MAP3K1: variants seen among roughly 807,000 people sequenced by gnomAD.
MAP3K1 encodes mitogen-activated protein kinase kinase kinase 1.
In MAP3K1, 36 loss-of-function variants were observed where a neutral mutation model predicts 144.2. That is an observed-to-expected ratio of 0.25 (90% confidence interval 0.19 to 0.33). The LOEUF (loss-of-function observed/expected upper bound fraction) is 0.33, where lower values mean the gene tolerates loss of function less well. Among genes scored for constraint, MAP3K1 ranks in the 10% least tolerant of loss-of-function variants. The probability of loss-of-function intolerance (pLI) is 1.00; values close to 1 mark genes in which losing one functional copy is unlikely to be tolerated. For synonymous variants in MAP3K1, 718 were observed against 688.7 expected, an observed-to-expected ratio of 1.04 and a Z score of -0.67; for missense variants, 1,650 against 1,881.9, an observed-to-expected ratio of 0.88 and a Z score of 2.28.
intron 1 of MAP3K1, among the ~76,000 whole-genome samples, chr5:56,821,501 A>AG (rs1746152010): frequency 6.6e-6 from 1 of 152,234 alleles, no homozygotes; most frequent in South Asian, 2.1e-4. Context: ...GAGTGAGAAC[A>AG]GGGTCAGTAC....
At chr5:56,879,147 G>T (rs769738291) in intron 11 of MAP3K1, 46 bp downstream of exon 11, 1 of 1,611,980 alleles carries the variant, frequency 6.2e-7, no homozygotes, top group Non-Finnish European at 8.5e-7. Flanking sequence ...TGTCTTAAAA[G>T]TGCCTCGCAG....
rs1748680296 is a variant in MAP3K1 at position 56,895,599 on chromosome 5, C to T, written c.*1919C>T. 1 of 232,304 alleles carries T rather than the reference C, an allele frequency of 4.3e-6. No homozygotes were observed. The highest frequency in any genetic ancestry group is 8.5e-6 in the Non-Finnish European group (1 of 117,536). 14.4% of individuals were successfully genotyped at this position (232,304 alleles called of 1,614,324 possible). On this transcript the variant is annotated 3_prime_UTR_variant, in exon 20 of 20. Coordinates refer to ENST00000399503, the MANE Select transcript of MAP3K1 (RefSeq NM_005921.2). ...CCACCACATTTCAAACTCAAACTAT[C>T]TGTAGATTTCAAAATCCATTGTGTT...
intron 13 of MAP3K1, 97 bp from the exon 14 acceptor site, chr5:56,881,473 T>G: frequency 9.1e-7 from 1 of 1,095,068 alleles, no homozygotes; most frequent in Non-Finnish European, 1.4e-6. Flanking sequence ...AAATGGTTTT[T>G]GAAGTATACA....
At chr5:56,858,888 A>AAT (rs576623457) in intron 2 of MAP3K1, among the ~76,000 whole-genome samples, 384 of 152,070 alleles carry the variant, frequency 2.5e-3, no homozygotes, top group African/African-American at 8.7e-3. Flanking sequence ...TTAAAATAGG[A>AAT]GGAGAGTGAG....
At chr5:56,869,613 A>G (rs948317594) in intron 6 of MAP3K1, among the ~76,000 whole-genome samples, 2 of 152,228 alleles carry the variant, frequency 1.3e-5, no homozygotes, top group Admixed American at 6.5e-5. Flanking sequence ...GTACTTGGAA[A>G]AAAGATGGGC....
At chr5:56,865,798 TATC>T (rs1747655129) in intron 5 of MAP3K1, 28 bp from the exon 6 acceptor site, 1 of 1,609,910 alleles carries the variant, frequency 6.2e-7, no homozygotes, top group Non-Finnish European at 8.5e-7. Context: ...ATGGCACAAA[TATC>T]ATTGTTACTG....
At chr5:56,856,505 G>C (rs1213645701) in intron 1 of MAP3K1, 95 bp from the exon 2 acceptor site, 3 of 1,056,184 alleles carry the variant, frequency 2.8e-6, no homozygotes, top group Non-Finnish European at 2.9e-6. Context: ...CATGTCCGTT[G>C]GAAGTATAAA....
intron 18 of MAP3K1, 28 bp downstream of exon 18, chr5:56,887,548 A>G: frequency 6.2e-7 from 1 of 1,613,702 alleles, no homozygotes; most frequent in Non-Finnish European, 8.5e-7. Flanking sequence ...GTGTGATGAC[A>G]GAAAATATTT....
At position 56,883,559 on chromosome 5, in the gene MAP3K1, A is replaced by G. The variant is rs1233796359; in HGVS notation, c.3699A>G (p.Ala1233=). ...AGACTCTACCAGGACATACCAAAGC[A>G]AAACAACCGTATAGAGAAGACACTG... ...TPETLPGHTK[A]KQPYREDTEW... is the part of the protein sequence containing the mutation. The change falls in exon 15 of 20, where the codon GCA becomes GCG. Residue 1233 remains alanine, a synonymous_variant. Coordinates refer to ENST00000399503, the MANE Select transcript of MAP3K1 (RefSeq NM_005921.2). The G allele has an allele frequency of 1.2e-6, 2 of 1,614,038 alleles. No individual in the cohort carries two copies. Among genetic ancestry groups the G allele is most frequent in the African/African-American group, 2.7e-5 (2 of 74,940 alleles).
intron 17 of MAP3K1, among the ~76,000 whole-genome samples, 188 bp from the exon 18 acceptor site, chr5:56,887,190 G>A (rs1011675472): frequency 2.6e-5 from 4 of 152,218 alleles, no homozygotes; most frequent in African/African-American, 7.2e-5. Context: ...TTTAGCGTAC[G>A]CTAGAGAGAG....
chr5:56,818,463 T>C (rs530567607), intron 1 of MAP3K1, among the ~76,000 whole-genome samples: 1 of 152,266 alleles, frequency 6.6e-6, no homozygotes, highest in East Asian at 1.9e-4. Flanking sequence ...TTTTAGAATT[T>C]CCTTCTGATC....
At chr5:56,836,521 G>C (rs529984693) in intron 1 of MAP3K1, among the ~76,000 whole-genome samples, 1 of 152,170 alleles carries the variant, frequency 6.6e-6, no homozygotes, top group Non-Finnish European at 1.5e-5. Flanking sequence ...GGCTTTCTTG[G>C]ATGGGGAAAG....
chr5:56,890,161 C>T (rs1158936705), intron 19 of MAP3K1, among the ~76,000 whole-genome samples: 1 of 152,132 alleles, frequency 6.6e-6, no homozygotes, highest in Non-Finnish European at 1.5e-5. Flanking sequence ...TCCTTGAGGT[C>T]CATTCATGTC....
intron 1 of MAP3K1, among the ~76,000 whole-genome samples, chr5:56,842,887 T>C (rs1579733763): frequency 6.6e-6 from 1 of 152,318 alleles, no homozygotes; most frequent in East Asian, 1.9e-4. Context: ...GCACAGGTAG[T>C]GTCAGAGCTT....
intron 1 of MAP3K1, among the ~76,000 whole-genome samples, chr5:56,824,946 T>C (rs1746267182): frequency 6.6e-6 from 1 of 151,254 alleles, no homozygotes; most frequent in South Asian, 2.1e-4. Context: ...AAAAAATTTT[T>C]ATTTTTTTTT....
chr5:56,895,575 C>T lies in MAP3K1; in HGVS notation c.*1895C>T, dbSNP rs889841880. 9 of 232,150 alleles carry T rather than the reference C, an allele frequency of 3.9e-5. No homozygotes were observed. Among genetic ancestry groups the T allele is most frequent in the South Asian group, 1.8e-4 (1 of 5,524 alleles). The allele number at this position is 232,150 out of a possible 1,614,324, so 14.4% of individuals were successfully genotyped here. ...GTATTACTTTGTAGATCACCATGCC[C>T]ACCACATTTCAAACTCAAACTATCT... On this transcript the variant is annotated 3_prime_UTR_variant, in exon 20 of 20. Transcript: ENST00000399503.
intron 1 of MAP3K1, among the ~76,000 whole-genome samples, chr5:56,823,224 C>A (rs938327738): frequency 2.0e-5 from 3 of 152,220 alleles, no homozygotes; most frequent in African/African-American, 7.2e-5. Flanking sequence ...CTTCTCCAGG[C>A]CCATCTCAGC....
Position 56,894,224 on chromosome 5 carries a change from T to C in MAP3K1, c.*544T>C. On this transcript the variant is annotated 3_prime_UTR_variant, in exon 20 of 20. Transcript: ENST00000399503. ...TATGACCCACAGTTGACCTTTATTT[T>C]CTTAAATACCAGGGCAGTTGTGGCT... 1 of 236,960 alleles carries C rather than the reference T, an allele frequency of 4.2e-6. No homozygotes were observed. Among genetic ancestry groups the C allele is most frequent in the Non-Finnish European group, 8.3e-6 (1 of 120,002 alleles). 14.7% of individuals were successfully genotyped at this position (236,960 alleles called of 1,614,324 possible).
rs1161012365 is a variant in MAP3K1, at chr5:56,894,480, G to GT, written c.*801dup. 1 of 232,288 alleles carries GT rather than the reference G, an allele frequency of 4.3e-6. No individual in the cohort carries two copies. Among genetic ancestry groups the GT allele is most frequent in the Non-Finnish European group, 8.5e-6 (1 of 117,640 alleles). The allele number at this position is 232,288 out of a possible 1,614,324, so 14.4% of individuals were successfully genotyped here. A position where few individuals can be genotyped will look rare whatever the true frequency, so the allele number is the denominator to read the frequency against. Reference sequence around the variant, plus strand: ...TTTTTTTAAATTGGAATACAATAAAGTACTACCTACATTTGAGTCAGTCAC... The same window carrying GT: ...TTTTTTTAAATTGGAATACAATAAAGTTACTACCTACATTTGAGTCAGTCAC... On this transcript the variant is annotated 3_prime_UTR_variant, in exon 20 of 20. Coordinates refer to ENST00000399503, the MANE Select transcript of MAP3K1 (RefSeq NM_005921.2).
Sources: gnomAD v4.1 joint callset for allele counts (sites outside exome capture counted in the v4.1 genomes callset) on GRCh38, gnomAD v4.1.1 for gene constraint, MANE v1.5 for transcripts, NCBI Gene and HGNC (gene_info 2026-07-23, HGNC 2026-07-21) for gene names.